Variants in DDX1 observed in about 807,000 individuals in gnomAD.
The protein encoded by DDX1 is DEAD-box helicase 1, also known as ATP-dependent RNA helicase DDX1.
DDX1 carries 28 observed loss-of-function variants against 108.7 expected under a neutral mutation model. The observed-to-expected ratio is 0.26, with a 90% confidence interval of 0.19 to 0.35. The LOEUF (loss-of-function observed/expected upper bound fraction) is 0.35, where lower values mean the gene tolerates loss of function less well. DDX1 is among the 10% of genes least tolerant of loss of function. The pLI is 1.00. For synonymous variants in DDX1, 295 were observed against 288.9 expected (o/e 1.02, Z -0.21); for missense variants, 710 against 884.5 (o/e 0.80, Z 2.50).
At chr2:15,624,206 A>G (rs894614103) in intron 19 of DDX1, among the ~76,000 whole-genome samples, 1 of 152,210 alleles carries the variant, frequency 6.6e-6, no homozygotes, top group Non-Finnish European at 1.5e-5. Context: ...GTCAGCTAAA[A>G]TATTAACCAA....
At chr2:15,597,608 G>A in intron 5 of DDX1, 137 bp downstream of exon 5, 1 of 612,538 alleles carries the variant, frequency 1.6e-6, no homozygotes, top group East Asian at 2.9e-5. Flanking sequence ...CTGGAACCCT[G>A]GAAACCAGGG....
At chr2:15,615,081 G>A (rs1319658202) in intron 14 of DDX1, among the ~76,000 whole-genome samples, 1 of 152,176 alleles carries the variant, frequency 6.6e-6, no homozygotes, top group Non-Finnish European at 1.5e-5. Flanking sequence ...ATCTTTATCT[G>A]TTCTTCTCTC....
At chr2:15,623,691 T>C (rs1666046963) in intron 19 of DDX1, 109 bp downstream of exon 19, 1 of 874,876 alleles carries the variant, frequency 1.1e-6, no homozygotes, top group Non-Finnish European at 1.8e-6. Context: ...AAGCAGTTGA[T>C]GGCATATTTT....
intron 6 of DDX1, among the ~76,000 whole-genome samples, chr2:15,601,904 G>A (rs975235156): frequency 6.6e-6 from 1 of 152,130 alleles, no homozygotes; most frequent in Admixed American, 6.5e-5. Context: ...TTTAGTATGT[G>A]GACATCACTG....
rs1414531491 is a variant in DDX1, at chr2:15,621,226, G to T, written c.1447+110G>T. The T allele has an allele frequency of 8.3e-6, 6 of 718,872 alleles. No homozygotes were observed. The Admixed American group carries it at 1.1e-4, about 14-fold the overall frequency. 44.5% of individuals were successfully genotyped at this position (718,872 alleles called of 1,614,324 possible). ...CTGCAAAATTAAAACAGGAAATTTG[G>T]AAATAAAGGCAACAAAAATAATAAA... On this transcript the variant is annotated intron_variant, in intron 18 of 25. Coordinates refer to ENST00000233084, the MANE Select transcript of DDX1 (RefSeq NM_004939.3).
At chr2:15,607,861 A>G (rs1028318573) in intron 13 of DDX1, among the ~76,000 whole-genome samples, 16 of 152,236 alleles carry the variant, frequency 1.1e-4, no homozygotes, top group African/African-American at 3.6e-4. Context: ...GGCCCTAACA[A>G]TTTTTTGAAG....
At chr2:15,623,713 C>A in intron 19 of DDX1, 131 bp downstream of exon 19, 1 of 710,160 alleles carries the variant, frequency 1.4e-6, no homozygotes, top group African/African-American at 1.8e-5. Context: ...AGTATCTATG[C>A]TTATTCAGTA....
At chr2:15,594,592 C>T (rs1665469810) in intron 1 of DDX1, among the ~76,000 whole-genome samples, 1 of 152,222 alleles carries the variant, frequency 6.6e-6, no homozygotes, top group Non-Finnish European at 1.5e-5. Context: ...CCACTGACCC[C>T]TCCCTCTTCA....
chr2:15,627,443 A>G (rs1032699628), intron 20 of DDX1: 3 of 237,406 alleles, frequency 1.3e-5, no homozygotes, highest in African/African-American at 6.9e-5. Flanking sequence ...TAGTTAAGCC[A>G]TGTCTATGTG....
intron 8 of DDX1, 83 bp from the exon 9 acceptor site, chr2:15,603,731 A>C: frequency 1.1e-6 from 1 of 893,862 alleles, no homozygotes; most frequent in Non-Finnish European, 1.7e-6. Flanking sequence ...TGGACATACT[A>C]TGTGAATAAA....
chr2:15,596,194 TAAAAGAG>T (rs1295111041), intron 3 of DDX1, among the ~76,000 whole-genome samples: 3 of 152,160 alleles, frequency 2.0e-5, no homozygotes, highest in African/African-American at 7.2e-5. Context: ...CAAGGGAAGA[TAAAAGAG>T]AAATGCTTTT....
Position 15,620,416 on chromosome 2 carries a change from A to T in DDX1, c.1395+20A>T. On this transcript the variant is annotated intron_variant, in intron 17 of 25. Transcript: ENST00000233084. ...ATTAGAGTAAGTGGTTTATAATATT[A>T]ACATTTATGTAGAATAAAGCAATTT... 1.3e-6 allele frequency: 2 copies of T among 1,587,682 alleles called. No individual in the cohort carries two copies. Among genetic ancestry groups the T allele is most frequent in the Non-Finnish European group, 1.7e-6 (2 of 1,165,626 alleles).
At chr2:15,600,202 C>T (rs1460429166) in intron 6 of DDX1, among the ~76,000 whole-genome samples, 1 of 152,190 alleles carries the variant, frequency 6.6e-6, no homozygotes. Flanking sequence ...AGTCCTCCTT[C>T]TTGGGGTTAA....
At position 15,630,057 on chromosome 2, in the gene DDX1, C is replaced by T; in HGVS notation, c.2039C>T (p.Pro680Leu). Residue 680 changes from proline to leucine, a missense_variant, in exon 25 of 26, where the codon CCA (proline) becomes CTA (leucine). Around this residue, in one of 3 missense-constraint regions of DDX1, gnomAD observed 661 missense variants for 810.2 expected, o/e 0.82. Transcript: ENST00000233084. ...CAGGTTGAGCCGGATATAAAGGTACCAGTGGATGAATTTGATGGGAAAGTT... is the reference window on the plus strand; with the variant it reads ...CAGGTTGAGCCGGATATAAAGGTACTAGTGGATGAATTTGATGGGAAAGTT... ...ISQVEPDIKV[P>L]VDEFDGKVTY... 6.2e-7 allele frequency: 1 copy of T among 1,612,940 alleles called. No individual in the cohort carries two copies. Among genetic ancestry groups the T allele is most frequent in the Non-Finnish European group, 8.5e-7 (1 of 1,179,278 alleles).
chr2:15,620,437 A>G, intron 17 of DDX1, 41 bp downstream of exon 17: 1 of 1,508,116 alleles, frequency 6.6e-7, no homozygotes, highest in Non-Finnish European at 9.0e-7. Flanking sequence ...AGAATAAAGC[A>G]ATTTATAAAC....
rs1573033353 is a variant in DDX1 at position 15,591,928 on chromosome 2, G to A, written c.-6G>A. 5.5e-6 allele frequency: 8 copies of A among 1,449,712 alleles called. No homozygotes were observed. The highest frequency in any genetic ancestry group is 2.8e-5 in the South Asian group (2 of 70,632). 89.8% of individuals were successfully genotyped at this position (1,449,712 alleles called of 1,614,324 possible). On this transcript the variant is annotated 5_prime_UTR_variant, in exon 1 of 26. In the 5' UTR this introduces an upstream ATG that the reference lacks. Coordinates refer to ENST00000233084, the MANE Select transcript of DDX1 (RefSeq NM_004939.3). ...AGCAGGCGAAGCCGCGGAGGACGGG[G>A]TGAAGATGGCGGCCTTCTCCGGTGC...
chr2:15,615,718 A>G (rs1665882997), intron 14 of DDX1, among the ~76,000 whole-genome samples: 2 of 152,160 alleles, frequency 1.3e-5, no homozygotes, highest in African/African-American at 4.8e-5. Context: ...AGAAAACTAT[A>G]TTTTTAGTAC....
chr2:15,613,258 G>A lies in DDX1; in HGVS notation c.991G>A (p.Asp331Asn). 1.2e-6 allele frequency: 2 copies of A among 1,607,270 alleles called. No homozygotes were observed. Among genetic ancestry groups the A allele is most frequent in the Admixed American group, 1.7e-5 (1 of 59,184 alleles). ...LLIIGGVAAR[D>N]QLSVLENGVD... Reference sequence around the variant, plus strand: ...GATAATTGGAGGTGTTGCAGCCCGGGATCAGCTCTCTGTTTTGGAAAATGG... The same window carrying A: ...GATAATTGGAGGTGTTGCAGCCCGGAATCAGCTCTCTGTTTTGGAAAATGG... Residue 331 changes from aspartate to asparagine, a missense_variant, in exon 14 of 26, where the codon GAT (aspartate) becomes AAT (asparagine). Transcript: ENST00000233084.
chr2:15,592,148 A>C (rs924622050), intron 1 of DDX1, among the ~76,000 whole-genome samples, 199 bp downstream of exon 1: 4 of 152,196 alleles, frequency 2.6e-5, no homozygotes, highest in Non-Finnish European at 4.4e-5. Context: ...GATTCTTCCC[A>C]GGAGCGGGCC....
Sources: gnomAD v4.1 joint callset for allele counts (sites outside exome capture counted in the v4.1 genomes callset) on GRCh38, gnomAD v4.1.1 for gene constraint, gnomAD v4.1.1 regional missense constraint, MANE v1.5 for transcripts, NCBI Gene and HGNC (gene_info 2026-07-23, HGNC 2026-07-21) for gene names.